TIPARP: variants seen among roughly 807,000 people sequenced by gnomAD.
TIPARP encodes protein mono-ADP-ribosyltransferase TIPARP.
Under a neutral mutation model 56.5 loss-of-function variants are expected in TIPARP, and 12 were observed. That is an observed-to-expected ratio of 0.21 (90% CI 0.14 to 0.34). The LOEUF (loss-of-function observed/expected upper bound fraction) is 0.34. TIPARP is among the 10% of genes least tolerant of loss of function. The probability of loss-of-function intolerance (pLI) is 1.00; values close to 1 mark genes in which losing one functional copy is unlikely to be tolerated. For synonymous variants in TIPARP, 296 were observed against 265.7 expected (o/e 1.11, Z -1.11); for missense variants, 604 against 781.6 (o/e 0.77, Z 2.71).
intron 4 of TIPARP, among the ~76,000 whole-genome samples, chr3:156,699,190 G>A (rs1004129431): frequency 3.3e-5 from 5 of 152,230 alleles, no homozygotes; most frequent in East Asian, 1.9e-4. Context: ...AATAATAAAG[G>A]GTTTGGAATA....
At chr3:156,684,884 C>T (rs1722394103) in intron 2 of TIPARP, among the ~76,000 whole-genome samples, 1 of 152,186 alleles carries the variant, frequency 6.6e-6, no homozygotes, top group Non-Finnish European at 1.5e-5. Context: ...CCTAATCCAC[C>T]TCAATCCCTG....
intron 3 of TIPARP, among the ~76,000 whole-genome samples, chr3:156,695,202 T>TCTTATTTATTTA (rs1553771378): frequency 6.8e-6 from 1 of 146,990 alleles, no homozygotes; most frequent in African/African-American, 2.5e-5. Context: ...CCTTTTCAAA[T>TCTTATTTATTTA]TTTATTTATT....
intron 4 of TIPARP, among the ~76,000 whole-genome samples, chr3:156,700,953 C>G (rs372966943): frequency 6.6e-6 from 1 of 152,152 alleles, no homozygotes; most frequent in African/African-American, 2.4e-5. Flanking sequence ...TTTGGAATAC[C>G]CATGCAGTGA....
chr3:156,689,581 C>T (rs1166836095), intron 2 of TIPARP, among the ~76,000 whole-genome samples: 1 of 152,206 alleles, frequency 6.6e-6, no homozygotes, highest in African/African-American at 2.4e-5. Context: ...TGTAAATTCA[C>T]TGGTGTTTCC....
intron 2 of TIPARP, among the ~76,000 whole-genome samples, chr3:156,683,112 G>T (rs1296227534): frequency 6.6e-6 from 1 of 151,970 alleles, no homozygotes. Flanking sequence ...TTCAGGTTGG[G>T]GTCATTCTTT....
chr3:156,700,438 A>G (rs1226298818), intron 4 of TIPARP, among the ~76,000 whole-genome samples: 2 of 150,826 alleles, frequency 1.3e-5, no homozygotes, highest in African/African-American at 4.9e-5. Context: ...GCAAAGGATA[A>G]AAAAAAAATA....
At chr3:156,697,372 G>A (rs986616922) in intron 4 of TIPARP, among the ~76,000 whole-genome samples, 6 of 150,164 alleles carry the variant, frequency 4.0e-5, no homozygotes, top group African/African-American at 1.5e-4. Flanking sequence ...GGTGAATGGT[G>A]AAAATGCGTC....
intron 2 of TIPARP, among the ~76,000 whole-genome samples, chr3:156,679,828 C>T (rs1722245169): frequency 6.6e-6 from 1 of 152,154 alleles, no homozygotes; most frequent in Non-Finnish European, 1.5e-5. Flanking sequence ...TGCAGTAAAC[C>T]ATTTCCAAGT....
At chr3:156,704,091 A>G (rs1722920258) in intron 5 of TIPARP, among the ~76,000 whole-genome samples, 1 of 152,094 alleles carries the variant, frequency 6.6e-6, no homozygotes, top group South Asian at 2.1e-4. Flanking sequence ...AATAGTAAAC[A>G]TTTGCACAGA....
chr3:156,702,831 A>G lies in TIPARP; in HGVS notation c.1248-593A>G, dbSNP rs534602360. 7.2e-5 allele frequency among the ~76,000 whole-genome samples: 11 copies of G among 152,356 alleles called. No homozygotes were observed. In the East Asian group the frequency reaches 1.9e-3, roughly 27 times the overall value. On this transcript the variant is annotated intron_variant, in intron 4 of 5. Transcript: ENST00000295924. ...ATTAGCTCCATCTTAAGCACACTCA[A>G]AGCTATAAAAGTTGAATAGTATTGG...
In TIPARP at chr3:156,704,828, A is replaced by G. The variant is rs1225333019; in HGVS notation, c.1671A>G (p.Thr557=). The G allele has an allele frequency of 4.3e-6, 7 of 1,614,102 alleles. No individual in the cohort carries two copies. The Admixed American group carries it at 1.0e-4, about 23-fold the overall frequency. Residue 557 remains threonine, a synonymous_variant, in exon 6 of 6, where the codon ACA becomes ACG. Coordinates refer to ENST00000295924, the MANE Select transcript of TIPARP (RefSeq NM_015508.5). Reference sequence around the variant, plus strand: ...CTCGAGTCTGTGGAAAGCATGCTACAATGTTTGGACAAGGCAGTTATTTTG... The same window carrying G: ...CTCGAGTCTGTGGAAAGCATGCTACGATGTTTGGACAAGGCAGTTATTTTG... The part of the protein sequence containing the change: ...FDPRVCGKHA[T]MFGQGSYFAK...
At chr3:156,686,745 A>G (rs1577036598) in intron 2 of TIPARP, among the ~76,000 whole-genome samples, 1 of 152,328 alleles carries the variant, frequency 6.6e-6, no homozygotes, top group East Asian at 1.9e-4. Flanking sequence ...ACTAGGCATT[A>G]GAAAATATTT....
In TIPARP at chr3:156,704,955, A is replaced by T. The variant is rs1394066979; in HGVS notation, c.1798A>T (p.Ser600Cys). The change falls in exon 6 of 6, where the codon AGT becomes TGT. Residue 600 changes from serine (S) to cysteine (C), a missense_variant. By Grantham distance (112) the Ser-to-Cys change is moderately radical (BLOSUM62 -1). Coordinates refer to ENST00000295924, the MANE Select transcript of TIPARP (RefSeq NM_015508.5). ...KVLTGRYTMG[S>C]HGMRRPPPVN... The stretch of plus-strand genomic sequence containing the variant: ...GCTGACGGGCAGATACACAATGGGC[A>T]GTCATGGCATGAGAAGGCCCCCGCC... 1 of 1,614,256 alleles carries T rather than the reference A, an allele frequency of 6.2e-7. No individual in the cohort carries two copies. Among genetic ancestry groups the T allele is most frequent in the South Asian group, 1.1e-5 (1 of 91,092 alleles).
At chr3:156,697,245 T>TGGTGAGATAG (rs1722736301) in intron 4 of TIPARP, among the ~76,000 whole-genome samples, 1 of 152,164 alleles carries the variant, frequency 6.6e-6, no homozygotes, top group African/African-American at 2.4e-5. Flanking sequence ...ATTGTCCTCC[T>TGGTGAGATAG]GGTGAGATAG....
At chr3:156,702,074 TGTGGTGGTG>T in intron 4 of TIPARP, among the ~76,000 whole-genome samples, 1 of 62,612 alleles carries the variant, frequency 1.6e-5, no homozygotes, top group Non-Finnish European at 3.6e-5. Context: ...TGGTGGTGGT[TGTGGTGGTG>T]GTGGTGGTGG....
intron 4 of TIPARP, among the ~76,000 whole-genome samples, chr3:156,702,221 ACTAT>A (rs1325012982): frequency 1.3e-5 from 2 of 151,994 alleles, no homozygotes; most frequent in African/African-American, 2.4e-5. Flanking sequence ...GAAATTAGAA[ACTAT>A]CTAGATGGGC....
intron 2 of TIPARP, 84 bp from the exon 3 acceptor site, chr3:156,693,936 A>C (rs1722644540): frequency 7.1e-7 from 1 of 1,399,068 alleles, no homozygotes; most frequent in African/African-American, 1.5e-5. Context: ...TGTATTTTTA[A>C]TGTCCAATGA....
intron 4 of TIPARP, among the ~76,000 whole-genome samples, chr3:156,702,299 T>C (rs79246293): frequency 0.015 from 2,274 of 152,282 alleles, 24 homozygotes; most frequent in Non-Finnish European, 0.022. Context: ...TTATTTAATC[T>C]CTCTAAACCT....
At position 156,703,666 on chromosome 3, in the gene TIPARP, GA is replaced by G; in HGVS notation, c.1491del (p.Val498SerfsTer17). On this transcript the variant is annotated frameshift_variant, in exon 5 of 6. Coordinates refer to ENST00000295924, the MANE Select transcript of TIPARP (RefSeq NM_015508.5). LOFTEE classifies it high-confidence loss of function. ...EFKYRILQIL[R>X]VQNQFLWEKY... ...AAATACAGAATTTTGCAGATATTGA[GA>G]GTCCAAAACCAGTTTCTTTGGGAGA... 6.2e-7 allele frequency: 1 copy of G among 1,613,664 alleles called. No individual in the cohort carries two copies. Among genetic ancestry groups the G allele is most frequent in the Non-Finnish European group, 8.5e-7 (1 of 1,180,024 alleles).
Sources: allele counts gnomAD v4.1 joint callset (sites outside exome capture counted in the v4.1 genomes callset), GRCh38; gene constraint gnomAD v4.1.1; transcripts MANE v1.5; gene names NCBI Gene and HGNC (gene_info 2026-07-23, HGNC 2026-07-21).